SAMMSON: variants seen among roughly 807,000 people sequenced by gnomAD.
The protein encoded by SAMMSON is survival associated mitochondrial melanoma specific oncogenic non-coding RNA, also known as long intergenic non-protein coding RNA 1212.
chr3:70,381,200 A>T (rs1703065436), intron 9 of SAMMSON, among the ~76,000 whole-genome samples: 1 of 152,166 alleles, frequency 6.6e-6, no homozygotes, highest in Non-Finnish European at 1.5e-5. Flanking sequence ...CTCACTCTGA[A>T]TGTTGGGAAG....
intron 2 of SAMMSON, among the ~76,000 whole-genome samples, chr3:70,409,423 T>C (rs867450709): frequency 6.6e-6 from 1 of 151,462 alleles, no homozygotes; most frequent in Non-Finnish European, 1.5e-5. Context: ...CAAAAGTCAC[T>C]TAAGAGAGAG....
intron 4 of SAMMSON, among the ~76,000 whole-genome samples, chr3:70,150,418 A>G (rs1431049720): frequency 2.0e-5 from 3 of 152,088 alleles, no homozygotes; most frequent in Admixed American, 1.3e-4. Context: ...TCATCAGAAT[A>G]TTATTTTGCT....
intron 4 of SAMMSON, among the ~76,000 whole-genome samples, chr3:70,108,005 T>C (rs114422204): frequency 0.02 from 3,030 of 152,250 alleles, 51 homozygotes; most frequent in Admixed American, 0.033. Context: ...GAAACAATTA[T>C]ATTTAATCTT....
chr3:70,146,934 G>T (rs2067551537), intron 4 of SAMMSON, among the ~76,000 whole-genome samples: 1 of 151,842 alleles, frequency 6.6e-6, no homozygotes, highest in African/African-American at 2.4e-5. Flanking sequence ...AAATCCCAAG[G>T]AATATTTAAG....
At chr3:70,244,229 C>T (rs1701684873) in intron 4 of SAMMSON, among the ~76,000 whole-genome samples, 1 of 152,158 alleles carries the variant, frequency 6.6e-6, no homozygotes, top group African/African-American at 2.4e-5. Context: ...GTAATGCACT[C>T]CAGTAAGGAA....
chr3:70,295,105 A>C lies in SAMMSON; in HGVS notation n.739+3862A>C, dbSNP rs181720603. On this transcript the variant is annotated intron_variant and non_coding_transcript_variant, in intron 7 of 9. Coordinates refer to ENST00000642114, the Ensembl canonical transcript of SAMMSON. ...AGGGCAGTGGGACCATTATTGGGTTAAACCAGTCAGAATTCTTCCAACTTC... is the reference window on the plus strand; with the variant it reads ...AGGGCAGTGGGACCATTATTGGGTTCAACCAGTCAGAATTCTTCCAACTTC... Among the ~76,000 whole-genome samples, 17 of 152,308 alleles carry C rather than the reference A, an allele frequency of 1.1e-4. No homozygotes were observed. In the East Asian group the frequency reaches 3.3e-3, roughly 29 times the overall value.
chr3:70,243,025 GT>G (rs1314219171), intron 4 of SAMMSON, among the ~76,000 whole-genome samples: 2 of 152,162 alleles, frequency 1.3e-5, no homozygotes, highest in East Asian at 3.9e-4. Flanking sequence ...TGTGACATGG[GT>G]TTTTAGCATA....
At chr3:70,224,831 C>T (rs561247728) in intron 4 of SAMMSON, among the ~76,000 whole-genome samples, 3 of 152,176 alleles carry the variant, frequency 2.0e-5, no homozygotes, top group African/African-American at 7.2e-5. Flanking sequence ...GTTTCCCCCC[C>T]CACACCTCAC....
intron 6 of SAMMSON, among the ~76,000 whole-genome samples, chr3:70,249,825 A>C (rs1435067832): frequency 3.3e-5 from 5 of 152,166 alleles, no homozygotes; most frequent in African/African-American, 1.2e-4. Flanking sequence ...GTAACCACTG[A>C]TGCCAGTGGT....
At chr3:70,105,501 G>A (rs920700229) in intron 4 of SAMMSON, among the ~76,000 whole-genome samples, 8 of 152,100 alleles carry the variant, frequency 5.3e-5, no homozygotes, top group African/African-American at 1.9e-4. Flanking sequence ...TGCTCCCTCC[G>A]TTTCAGTATT....
intron 4 of SAMMSON, among the ~76,000 whole-genome samples, chr3:70,135,182 G>A (rs1576131323): frequency 6.6e-6 from 1 of 151,924 alleles, no homozygotes. Context: ...TTTCTCAGTT[G>A]CATTGTTTTA....
rs921377304 is a variant in SAMMSON at position 70,260,462 on chromosome 3, C to T, written n.674+10792C>T. ...GGTTAGTACCTCAACATATTTTTTA[C>T]ATCCCCTCAGTTCAACTCGTAACAG... On this transcript the variant is annotated intron_variant and non_coding_transcript_variant, in intron 6 of 9. Transcript: ENST00000642114. Among the ~76,000 whole-genome samples the T allele has an allele frequency of 2.6e-5, 4 of 152,088 alleles. No homozygotes were observed. The East Asian group carries it at 7.7e-4, about 29-fold the overall frequency.
chr3:70,317,403 A>G (rs1403465744), intron 7 of SAMMSON, among the ~76,000 whole-genome samples: 1 of 151,932 alleles, frequency 6.6e-6, no homozygotes, highest in African/African-American at 2.4e-5. Context: ...TTTAATTAAG[A>G]TAAGTACAAT....
At chr3:70,225,990 C>T (rs1463086026) in intron 4 of SAMMSON, among the ~76,000 whole-genome samples, 1 of 151,998 alleles carries the variant, frequency 6.6e-6, no homozygotes, top group African/African-American at 2.4e-5. Flanking sequence ...AGACATATTG[C>T]CTTAATTTTT....
chr3:70,154,409 A>C (rs967705985), intron 4 of SAMMSON, among the ~76,000 whole-genome samples: 9 of 152,048 alleles, frequency 5.9e-5, no homozygotes, highest in Non-Finnish European at 1.0e-4. Context: ...TAGCCAAGTC[A>C]TAAGGCCAGG....
chr3:70,036,980 G>A (rs557232094), intron 3 of SAMMSON, among the ~76,000 whole-genome samples: 1 of 152,146 alleles, frequency 6.6e-6, no homozygotes, highest in South Asian at 2.1e-4. Context: ...AAATAGCATA[G>A]GATGATGATT....
At chr3:70,022,980 G>A (rs79326768) in intron 3 of SAMMSON, among the ~76,000 whole-genome samples, 2 of 152,174 alleles carry the variant, frequency 1.3e-5, no homozygotes, top group Admixed American at 1.3e-4. Context: ...TTAAGACAAT[G>A]GTTAGAAGAA....
chr3:70,124,836 A>AC lies in SAMMSON; in HGVS notation n.507+53271_507+53272insC, dbSNP rs1185312901. On this transcript the variant is annotated intron_variant and non_coding_transcript_variant, in intron 4 of 9. Coordinates refer to ENST00000642114, the Ensembl canonical transcript of SAMMSON. ...TCTCAAAAAAAAAAAAAAAAAAAAA[A>AC]AAAGAAAGAAAGAAAGAAAAAGAAA... 6.2e-3 allele frequency among the ~76,000 whole-genome samples: 916 copies of AC among 148,904 alleles called. 15 individuals are homozygous for AC. Among genetic ancestry groups the AC allele is most frequent in the African/African-American group, 0.022 (870 of 40,054 alleles).
At chr3:70,313,899 C>T (rs1394251313) in intron 7 of SAMMSON, among the ~76,000 whole-genome samples, 2 of 152,158 alleles carry the variant, frequency 1.3e-5, no homozygotes, top group African/African-American at 4.8e-5. Context: ...AGTTTTCAAA[C>T]TGGGGCCCAC....
Sources: allele counts gnomAD v4.1 joint callset (sites outside exome capture counted in the v4.1 genomes callset), GRCh38; gene constraint gnomAD v4.1.1; transcripts MANE v1.5; gene names NCBI Gene and HGNC (gene_info 2026-07-23, HGNC 2026-07-21).